AGTR1: variants seen among roughly 807,000 people sequenced by gnomAD.
AGTR1 encodes the protein angiotensin II receptor type 1, also known as type-1 angiotensin II receptor.
Under a neutral mutation model 19.4 loss-of-function variants are expected in AGTR1, and 16 were observed. The observed-to-expected ratio is 0.82, with a 90% CI of 0.56 to 1.25. The LOEUF is 1.25. AGTR1 is among the 50% of genes most tolerant of loss of function. AGTR1 has a pLI of 0.00. For synonymous variants in AGTR1, 153 were observed against 154.9 expected (o/e 0.99, Z 0.09); for missense variants, 373 against 431.9 (o/e 0.86, Z 1.21).
rs979012840 is a variant in AGTR1 at position 148,741,552 on chromosome 3, G to C, written c.517G>C (p.Glu173Gln). The C allele has an allele frequency of 1.2e-6, 2 of 1,614,008 alleles. No individual in the cohort carries two copies. The highest frequency in any genetic ancestry group is 2.2e-5 in the South Asian group (2 of 91,078). The change falls in exon 3 of 3, where the codon GAG becomes CAG. Residue 173 changes from glutamate to glutamine, a missense_variant. By Grantham distance (29) the Glu-to-Gln change is conservative. Transcript: ENST00000349243. ...AIIHRNVFFI[E>Q]NTNITVCAFH... is the part of the protein sequence containing the mutation. ...AATCCATCGAAATGTATTTTTCATT[G>C]AGAACACCAATATTACAGTTTGTGC...
intron 2 of AGTR1, among the ~76,000 whole-genome samples, chr3:148,713,677 G>A (rs1322596501): frequency 6.6e-6 from 1 of 152,040 alleles, no homozygotes; most frequent in Non-Finnish European, 1.5e-5. Flanking sequence ...TTTGAAAAGA[G>A]GTAGAAAAAA....
intron 2 of AGTR1, among the ~76,000 whole-genome samples, chr3:148,718,366 T>C (rs1438359258): frequency 6.6e-6 from 1 of 152,212 alleles, no homozygotes; most frequent in African/African-American, 2.4e-5. Flanking sequence ...CTGCTGCATA[T>C]GCTAGGGAAA....
chr3:148,729,029 G>T (rs776913371), intron 2 of AGTR1, among the ~76,000 whole-genome samples: 14 of 152,074 alleles, frequency 9.2e-5, no homozygotes, highest in Non-Finnish European at 1.5e-4. Flanking sequence ...CCTCAGCTTA[G>T]CTAGCTGGAA....
chr3:148,714,246 A>T (rs1353239144), intron 2 of AGTR1, among the ~76,000 whole-genome samples: 1 of 152,186 alleles, frequency 6.6e-6, no homozygotes, highest in Non-Finnish European at 1.5e-5. Context: ...ATTCCAGTGC[A>T]TAAAGATGAG....
chr3:148,739,535 G>C (rs1319916140), intron 2 of AGTR1, among the ~76,000 whole-genome samples: 2 of 152,244 alleles, frequency 1.3e-5, no homozygotes, highest in Non-Finnish European at 2.9e-5. Context: ...GATGCAAAAA[G>C]GAACAATAAT....
intron 2 of AGTR1, among the ~76,000 whole-genome samples, chr3:148,733,493 C>T (rs1714404684): frequency 6.6e-6 from 1 of 152,136 alleles, no homozygotes; most frequent in African/African-American, 2.4e-5. Flanking sequence ...TAAACAGTTG[C>T]TGCTGCTGAA....
intron 2 of AGTR1, among the ~76,000 whole-genome samples, chr3:148,710,556 C>T (rs1712922932): frequency 6.6e-6 from 1 of 152,044 alleles, no homozygotes; most frequent in South Asian, 2.1e-4. Flanking sequence ...GTAAGATTTT[C>T]TTTAGTTTTC....
intron 2 of AGTR1, among the ~76,000 whole-genome samples, chr3:148,739,246 C>G (rs1209399175): frequency 1.3e-5 from 2 of 151,972 alleles, no homozygotes; most frequent in East Asian, 1.9e-4. Flanking sequence ...GTAGTCCCAG[C>G]TACTAGGGAA....
At chr3:148,726,607 A>G (rs115360383) in intron 2 of AGTR1, among the ~76,000 whole-genome samples, 1 of 151,998 alleles carries the variant, frequency 6.6e-6, no homozygotes, top group Non-Finnish European at 1.5e-5. Context: ...AGCATTCATG[A>G]TATCTTTTCA....
intron 1 of AGTR1, among the ~76,000 whole-genome samples, chr3:148,703,079 C>T (rs1481044246): frequency 1.3e-5 from 2 of 152,092 alleles, no homozygotes; most frequent in East Asian, 3.9e-4. Flanking sequence ...AATATCAAAT[C>T]GGTGGTTCTT....
At chr3:148,701,350 T>G (rs992342201) in intron 1 of AGTR1, among the ~76,000 whole-genome samples, 4 of 152,230 alleles carry the variant, frequency 2.6e-5, no homozygotes, top group Admixed American at 6.5e-5. Flanking sequence ...AACATTAAAA[T>G]ATTTGCTATG....
In AGTR1 at chr3:148,742,829, AGT is replaced by A. The variant is rs1277244156; in HGVS notation, c.*717_*718del. On this transcript the variant is annotated 3_prime_UTR_variant, in exon 3 of 3. Coordinates refer to ENST00000349243, the MANE Select transcript of AGTR1 (RefSeq NM_000685.5). ...TATTAGTTTGATTTAATATCTGAGA[AGT>A]GTATATAGTTTGTGGTAAAAAGATT... The A allele has an allele frequency of 6.0e-6, 1 of 167,564 alleles. No individual in the cohort carries two copies. The highest frequency in any genetic ancestry group is 1.9e-4 in the East Asian group (1 of 5,210). 10.4% of individuals were successfully genotyped at this position (167,564 alleles called of 1,614,324 possible).
intron 1 of AGTR1, among the ~76,000 whole-genome samples, chr3:148,698,986 C>T (rs1450392039): frequency 7.9e-6 from 1 of 127,064 alleles, no homozygotes; most frequent in East Asian, 2.0e-4. Context: ...CCTTCTGCAC[C>T]GTTTTTTTCT....
At chr3:148,718,984 A>G (rs1468416438) in intron 2 of AGTR1, among the ~76,000 whole-genome samples, 1 of 152,232 alleles carries the variant, frequency 6.6e-6, no homozygotes, top group African/African-American at 2.4e-5. Flanking sequence ...GGGGAGACTC[A>G]GTCTTGTTTC....
At chr3:148,740,967 A>G in intron 2 of AGTR1, 22 bp from the exon 3 acceptor site, 2 of 1,591,750 alleles carry the variant, frequency 1.3e-6, no homozygotes, top group South Asian at 2.3e-5. Flanking sequence ...TTTCTTTACC[A>G]TTTTATTTTT....
intron 2 of AGTR1, among the ~76,000 whole-genome samples, chr3:148,708,751 AC>A (rs762051533): frequency 1.3e-5 from 2 of 152,186 alleles, no homozygotes; most frequent in Non-Finnish European, 2.9e-5. Context: ...TCCGGGATTT[AC>A]CTAACTAATA....
At chr3:148,738,411 G>C (rs1018545972) in intron 2 of AGTR1, among the ~76,000 whole-genome samples, 1 of 151,726 alleles carries the variant, frequency 6.6e-6, no homozygotes, top group Non-Finnish European at 1.5e-5. Context: ...ATGGTTAAAA[G>C]GATAGTAAAT....
chr3:148,719,322 G>A (rs1713477567), intron 2 of AGTR1, among the ~76,000 whole-genome samples: 1 of 152,128 alleles, frequency 6.6e-6, no homozygotes, highest in Non-Finnish European at 1.5e-5. Flanking sequence ...GGCTTCAAGG[G>A]AAGGTGGCAC....
At chr3:148,725,315 T>C (rs952280111) in intron 2 of AGTR1, among the ~76,000 whole-genome samples, 4 of 152,170 alleles carry the variant, frequency 2.6e-5, no homozygotes, top group African/African-American at 4.8e-5. Context: ...TGTTTATTCT[T>C]TCACTTCTTC....
Sources: allele counts gnomAD v4.1 joint callset (sites outside exome capture counted in the v4.1 genomes callset), GRCh38; gene constraint gnomAD v4.1.1; transcripts MANE v1.5; gene names NCBI Gene and HGNC (gene_info 2026-07-23, HGNC 2026-07-21).